The following CSMD3 variants were observed in gnomAD, a reference collection of about 807,000 sequenced individuals.
CSMD3 encodes CUB and Sushi multiple domains 3.
In CSMD3, 177 loss-of-function variants were observed where a neutral mutation model predicts 435.2. That is an observed-to-expected ratio of 0.41 (90% confidence interval 0.36 to 0.46). The LOEUF (loss-of-function observed/expected upper bound fraction) is 0.46, where lower values mean the gene tolerates loss of function less well. Ranked by LOEUF, CSMD3 falls within the 20% of genes least tolerant of loss-of-function variation. The pLI is 0.34. For missense variants in CSMD3, 4,265 were observed against 4,504.6 expected (o/e 0.95, Z 1.52); for synonymous variants, 1,656 against 1,520.5 (o/e 1.09, Z -2.07).
At chr8:112,942,851 T>TA (rs1433788594) in intron 9 of CSMD3, among the ~76,000 whole-genome samples, 1 of 151,780 alleles carries the variant, frequency 6.6e-6, no homozygotes, top group African/African-American at 2.4e-5. Flanking sequence ...CCTGTATGTA[T>TA]AGCCCTGAAA....
intron 14 of CSMD3, among the ~76,000 whole-genome samples, chr8:112,687,913 C>T (rs1286330026): frequency 6.6e-6 from 1 of 152,102 alleles, no homozygotes; most frequent in Non-Finnish European, 1.5e-5. Flanking sequence ...CTCCTAATCC[C>T]TCTTCACACT....
At chr8:113,293,210 A>AGTATACATATATATTTATAT (rs2093697740) in intron 2 of CSMD3, among the ~76,000 whole-genome samples, 4 of 143,852 alleles carry the variant, frequency 2.8e-5, no homozygotes, top group African/African-American at 1.0e-4. Flanking sequence ...CTGACCTTTA[A>AGTATACATATATATTTATAT]GTATACATAT....
chr8:112,826,007 C>T (rs1410341386), intron 12 of CSMD3, among the ~76,000 whole-genome samples: 15 of 152,196 alleles, frequency 9.9e-5, no homozygotes, highest in Admixed American at 5.2e-4. Context: ...CCAGGGAGAT[C>T]AGAGTTCTGT....
chr8:113,367,227 C>T (rs1385293401), intron 1 of CSMD3, among the ~76,000 whole-genome samples: 3 of 148,798 alleles, frequency 2.0e-5, no homozygotes, highest in Non-Finnish European at 2.9e-5. Context: ...AACAACAGGA[C>T]ATTATCCATG....
At chr8:112,594,810 T>G (rs1045398827) in intron 22 of CSMD3, among the ~76,000 whole-genome samples, 3 of 152,150 alleles carry the variant, frequency 2.0e-5, no homozygotes, top group Non-Finnish European at 4.4e-5. Flanking sequence ...GGGTCCTGTC[T>G]GTTAGAAAGA....
At chr8:113,041,300 C>T (rs2087605593) in intron 5 of CSMD3, among the ~76,000 whole-genome samples, 2 of 151,410 alleles carry the variant, frequency 1.3e-5, no homozygotes, top group Non-Finnish European at 2.9e-5. Flanking sequence ...CCCCTCTGTA[C>T]ATTAGGGGTG....
intron 1 of CSMD3, among the ~76,000 whole-genome samples, chr8:113,429,485 C>T (rs2094657308): frequency 6.6e-6 from 1 of 151,954 alleles, no homozygotes; most frequent in African/African-American, 2.4e-5. Flanking sequence ...ATTTTATTTA[C>T]AGACTTGTAA....
At chr8:112,430,076 T>C (rs1249228698) in intron 32 of CSMD3, among the ~76,000 whole-genome samples, 1 of 152,016 alleles carries the variant, frequency 6.6e-6, no homozygotes, top group Non-Finnish European at 1.5e-5. Context: ...TTTAATTTTG[T>C]CCTACACATC....
At chr8:112,351,120 C>CCTTT (rs1554649775) in intron 40 of CSMD3, 55 bp downstream of exon 40, 4 of 1,054,052 alleles carry the variant, frequency 3.8e-6, no homozygotes, top group Admixed American at 1.7e-5. Context: ...ACTTTATAGT[C>CCTTT]TTTTTTTTTA....
intron 1 of CSMD3, among the ~76,000 whole-genome samples, chr8:113,337,237 T>C (rs889209595): frequency 3.3e-5 from 5 of 152,112 alleles, no homozygotes; most frequent in East Asian, 3.9e-4. Flanking sequence ...CTGCCTTTTT[T>C]CCCCTACCTC....
rs187058001 is a variant in CSMD3, at chr8:113,118,183, C to T, written c.710-19220G>A. Among the ~76,000 whole-genome samples the T allele has an allele frequency of 2.5e-3, 385 of 152,178 alleles. 2 individuals are homozygous for T. Among genetic ancestry groups the T allele is most frequent in the Middle Eastern group, 0.01 (3 of 294 alleles). On this transcript the variant is annotated intron_variant, in intron 4 of 70. Transcript: ENST00000297405. ...CCCATTATGTAATAGATTTTTTTAC[C>T]GTTGTCTCATTTGACTTTAGAATAT...
intron 38 of CSMD3, among the ~76,000 whole-genome samples, chr8:112,372,222 A>AG (rs1828465534): frequency 6.6e-6 from 1 of 152,150 alleles, no homozygotes; most frequent in South Asian, 2.1e-4. Context: ...GAGAGAGGAA[A>AG]GGCATGTTAC....
At chr8:112,327,871 G>A (rs1026911293) in intron 45 of CSMD3, among the ~76,000 whole-genome samples, 9 of 152,066 alleles carry the variant, frequency 5.9e-5, no homozygotes, top group East Asian at 5.8e-4. Context: ...ATAGTTTTTC[G>A]TTATTTTTAA....
At chr8:112,273,263 C>A (rs983974775) in intron 59 of CSMD3, among the ~76,000 whole-genome samples, 7 of 146,506 alleles carry the variant, frequency 4.8e-5, no homozygotes, top group African/African-American at 1.5e-4. Context: ...CATAAATAAA[C>A]AAAATTGTTA....
chr8:112,305,810 T>C lies in CSMD3; in HGVS notation c.8071+197A>G, dbSNP rs540648200. Reference sequence around the variant, plus strand: ...TTTTTGACATAAATATTCTGAGGTTTTCAAAAATGATGGAAAAGACCTTGT... The same window carrying C: ...TTTTTGACATAAATATTCTGAGGTTCTCAAAAATGATGGAAAAGACCTTGT... On this transcript the variant is annotated intron_variant, in intron 51 of 70. Coordinates refer to ENST00000297405, the MANE Select transcript of CSMD3 (RefSeq NM_198123.2). Among the ~76,000 whole-genome samples, 175 of 152,282 alleles carry C rather than the reference T, an allele frequency of 1.1e-3. 1 individual carries two copies. The highest frequency in any genetic ancestry group is 3.9e-3 in the African/African-American group (162 of 41,572).
intron 10 of CSMD3, among the ~76,000 whole-genome samples, chr8:112,888,711 T>C (rs1047699189): frequency 1.3e-5 from 2 of 151,686 alleles, no homozygotes; most frequent in African/African-American, 2.4e-5. Flanking sequence ...AATTGACTCA[T>C]AAAATATGAG....
At chr8:112,563,827 T>A (rs951913431) in intron 24 of CSMD3, among the ~76,000 whole-genome samples, 32 of 152,060 alleles carry the variant, frequency 2.1e-4, no homozygotes, top group Non-Finnish European at 4.1e-4. Context: ...TGTGAGGGTG[T>A]CATAGCATCT....
At chr8:112,772,328 C>G (rs1036422661) in intron 13 of CSMD3, among the ~76,000 whole-genome samples, 46 of 152,086 alleles carry the variant, frequency 3.0e-4, no homozygotes, top group African/African-American at 1.1e-3. Context: ...ATCCCTAAGA[C>G]ATGTGCTGTG....
intron 32 of CSMD3, among the ~76,000 whole-genome samples, chr8:112,410,621 T>C: frequency 1.6e-5 from 1 of 63,048 alleles, no homozygotes; most frequent in Non-Finnish European, 3.4e-5. Flanking sequence ...TATATGTATA[T>C]ATATGTGTAT....
Sources: allele counts gnomAD v4.1 joint callset (sites outside exome capture counted in the v4.1 genomes callset), GRCh38; gene constraint gnomAD v4.1.1; transcripts MANE v1.5; gene names NCBI Gene and HGNC (gene_info 2026-07-23, HGNC 2026-07-21).